Variants in SPDYE3 observed in about 807,000 individuals in gnomAD.
SPDYE3 encodes the protein speedy protein E3.
A neutral mutation model predicts 55.0 loss-of-function variants in SPDYE3; 15 were observed. The ratio of observed to expected loss-of-function variants is 0.27; its 90% CI spans 0.18 to 0.42. SPDYE3 has a LOEUF of 0.42. Ranked by LOEUF, SPDYE3 falls within the 10% of genes least tolerant of loss-of-function variation. SPDYE3 has a pLI of 1.00. For missense variants in SPDYE3, 236 were observed against 576.7 expected, an observed-to-expected ratio of 0.41 and a Z score of 6.05; for synonymous variants, 89 against 229.9, an observed-to-expected ratio of 0.39 and a Z score of 5.55.
chr7:100,308,330 CAAAA>C (rs1302549830), intron 1 of SPDYE3, among the ~76,000 whole-genome samples: 5 of 46,762 alleles, frequency 1.1e-4, no homozygotes, highest in African/African-American at 3.0e-4. Context: ...GACGCTGTCT[CAAAA>C]AAAAAAAAAA....
At chr7:100,309,744 A>C (rs1433171803) in intron 2 of SPDYE3, among the ~76,000 whole-genome samples, 3 of 143,818 alleles carry the variant, frequency 2.1e-5, no homozygotes, top group East Asian at 3.9e-4. Flanking sequence ...AAAAAGAAGA[A>C]AAAAAAGAAG....
At chr7:100,308,633 C>T (rs528718556) in intron 1 of SPDYE3, among the ~76,000 whole-genome samples, 13 of 151,404 alleles carry the variant, frequency 8.6e-5, no homozygotes, top group Non-Finnish European at 1.5e-4. Flanking sequence ...AACTGGAATC[C>T]GGGAGATGGA....
chr7:100,320,349 G>A, intron 10 of SPDYE3: 2 of 1,072,744 alleles, frequency 1.9e-6, no homozygotes, highest in Non-Finnish European at 2.4e-6. Flanking sequence ...GTTCGGGGAG[G>A]TTCTTTATGA....
In SPDYE3 at chr7:100,319,754, GTTC is replaced by G. The variant is rs1259331748; in HGVS notation, c.1541_1543del (p.Phe514del). The stretch of plus-strand genomic sequence containing the variant: ...CCTTGTTCCAGAAGCGTCGGTTCCA[GTTC>G]TTCTGTTCCATGCGCTGCAGGGCTT... On this transcript the variant is annotated inframe_deletion, in exon 9 of 11. Coordinates refer to ENST00000332397, the MANE Select transcript of SPDYE3 (RefSeq NM_001004351.5). 6.2e-7 allele frequency: 1 copy of G among 1,613,770 alleles called. No individual in the cohort carries two copies. The highest frequency in any genetic ancestry group is 8.5e-7 in the Non-Finnish European group (1 of 1,179,932).
rs191008992 is a variant in SPDYE3 at position 100,321,178 on chromosome 7, G to A, written c.*333G>A. On this transcript the variant is annotated 3_prime_UTR_variant, in exon 11 of 11. Transcript: ENST00000332397. ...TATATTGCTGAATGCCAACCTCCCT[G>A]GGGCGGAACCTGGAGGTCCTGTTTC... 7,823 of 504,280 alleles carry A rather than the reference G, an allele frequency of 0.016. 532 individuals carry two copies. Among genetic ancestry groups the A allele is most frequent in the African/African-American group, 0.14 (7,100 of 51,568 alleles). The allele number at this position is 504,280 out of a possible 1,614,324, so 31.2% of individuals were successfully genotyped here.
Position 100,315,849 on chromosome 7 carries a change from G to T in SPDYE3, c.1260+6G>T, listed in dbSNP as rs373632508. ...ATCTGAGGGTGTCAGACAAGGTAAG[G>T]TTGTTCTCTATGTAACTGTGTTCCT... On this transcript the variant is annotated splice_donor_region_variant and intron_variant, in intron 7 of 10. Transcript: ENST00000332397. The T allele has an allele frequency of 3.7e-6, 6 of 1,600,124 alleles. No homozygotes were observed. In the South Asian group the frequency reaches 5.5e-5, roughly 15 times the overall value.
rs1789589739 is a variant in SPDYE3 at position 100,321,959 on chromosome 7, T to C, written c.*1114T>C. On this transcript the variant is annotated 3_prime_UTR_variant, in exon 11 of 11. Coordinates refer to ENST00000332397, the MANE Select transcript of SPDYE3 (RefSeq NM_001004351.5). ...TGAATAGATGCTGTTTCTATAAAGCTGTGTGATGGGTATTATAACTGTTAT... is the reference window on the plus strand; with the variant it reads ...TGAATAGATGCTGTTTCTATAAAGCCGTGTGATGGGTATTATAACTGTTAT... The C allele has an allele frequency of 6.6e-6, 1 of 150,966 alleles. No individual in the cohort carries two copies. The highest frequency in any genetic ancestry group is 1.5e-5 in the Non-Finnish European group (1 of 67,764). The allele number at this position is 150,966 out of a possible 1,614,324, so 9.4% of individuals were successfully genotyped here.
At chr7:100,318,725 C>CT (rs71126316) in intron 8 of SPDYE3, among the ~76,000 whole-genome samples, 2 of 106,972 alleles carry the variant, frequency 1.9e-5, no homozygotes, top group African/African-American at 7.2e-5. Context: ...TATTCAATTG[C>CT]TTTTTTTTTT....
rs528446034 is a variant in SPDYE3, at chr7:100,320,478, T to C, written c.*46-413T>C. 25 of 989,906 alleles carry C rather than the reference T, an allele frequency of 2.5e-5. No homozygotes were observed. In the East Asian group the frequency reaches 1.8e-3, roughly 70 times the overall value. 61.3% of individuals were successfully genotyped at this position (989,906 alleles called of 1,614,324 possible). A position where few individuals can be genotyped will look rare whatever the true frequency, so the allele number is the denominator to read the frequency against. Reference sequence around the variant, plus strand: ...ACTTCGTCATGAGGAGGTAGGATTATGGATTAGGCTTCTGGACTCGTGGTT... The same window carrying C: ...ACTTCGTCATGAGGAGGTAGGATTACGGATTAGGCTTCTGGACTCGTGGTT... On this transcript the variant is annotated intron_variant, in intron 10 of 10. Transcript: ENST00000332397.
intron 8 of SPDYE3, 35 bp downstream of exon 8, chr7:100,317,190 C>G (rs1422500114): frequency 1.2e-6 from 2 of 1,610,634 alleles, no homozygotes; most frequent in Non-Finnish European, 1.7e-6. Context: ...CATCAATATC[C>G]AACGCCCTGG....
chr7:100,315,691 T>G, intron 6 of SPDYE3, 94 bp from the exon 7 acceptor site: 1 of 1,587,128 alleles, frequency 6.3e-7, no homozygotes, highest in Non-Finnish European at 8.5e-7. Context: ...ATCCTGAGAC[T>G]TTCCCCCGGG....
chr7:100,308,546 T>C (rs1805882988), intron 1 of SPDYE3, among the ~76,000 whole-genome samples: 4 of 151,518 alleles, frequency 2.6e-5, no homozygotes, highest in Admixed American at 2.0e-4. Context: ...CCGTCTCTAC[T>C]AAAAGTACAA....
At chr7:100,309,869 T>G (rs858627) in intron 2 of SPDYE3, among the ~76,000 whole-genome samples, 1 of 147,476 alleles carries the variant, frequency 6.8e-6, no homozygotes, top group African/African-American at 2.5e-5. Context: ...CCAAGGCAGG[T>G]GGATCACGTG....
chr7:100,315,830 G>A lies in SPDYE3; in HGVS notation c.1247G>A (p.Arg416Lys), dbSNP rs756230051. Reference protein sequence around the residue: ...KRFLAWDKDLRVSDKYLLAMV... With the variant: ...KRFLAWDKDLKVSDKYLLAMV... ...TTCCTGGCCTGGGACAAAGATCTGA[G>A]GGTGTCAGACAAGGTAAGGTTGTTC... The change falls in exon 7 of 11, where the codon AGG (arginine) becomes AAG (lysine). Residue 416 changes from arginine (R) to lysine (K), a missense_variant. By Grantham distance (26) the Arg-to-Lys change is conservative. Coordinates refer to ENST00000332397, the MANE Select transcript of SPDYE3 (RefSeq NM_001004351.5). 1.9e-6 allele frequency: 3 copies of A among 1,600,378 alleles called. No homozygotes were observed. Among genetic ancestry groups the A allele is most frequent in the South Asian group, 2.2e-5 (2 of 91,006 alleles).
Position 100,317,147 on chromosome 7 carries a change from C to G in SPDYE3, c.1338C>G (p.Phe446Leu). The change falls in exon 8 of 11, where the codon TTC (phenylalanine) becomes TTG (leucine). Residue 446 changes from phenylalanine (F) to leucine (L), a missense_variant. Phe to Leu is a conservative substitution (Grantham distance 22, BLOSUM62 0). Coordinates refer to ENST00000332397, the MANE Select transcript of SPDYE3 (RefSeq NM_001004351.5). Reference protein sequence around the residue: ...PSWQYQRIHFFLALYLANDME... With the variant: ...PSWQYQRIHFLLALYLANDME... ...GGCAATACCAACGCATTCATTTCTT[C>G]CTGGCTCTGTGAGTGGTTTGCTGCC... 1 of 1,611,892 alleles carries G rather than the reference C, an allele frequency of 6.2e-7. No individual in the cohort carries two copies.
intron 8 of SPDYE3, among the ~76,000 whole-genome samples, chr7:100,318,404 C>T (rs1789488832): frequency 1.3e-5 from 2 of 152,164 alleles, no homozygotes; most frequent in South Asian, 2.1e-4. Context: ...CACACTGGCT[C>T]GCCATCTTGG....
intron 1 of SPDYE3, among the ~76,000 whole-genome samples, chr7:100,308,267 G>T (rs1320991048): frequency 6.6e-6 from 1 of 150,826 alleles, no homozygotes; most frequent in Non-Finnish European, 1.5e-5. Context: ...GGAGGAAGAG[G>T]GTGCAGTGAG....
chr7:100,312,474 G>T lies in SPDYE3; in HGVS notation c.763+506G>T, dbSNP rs1406170194. On this transcript the variant is annotated intron_variant, in intron 4 of 10. Transcript: ENST00000332397. The stretch of plus-strand genomic sequence containing the variant: ...ATCGTGCTACTGCACTCCAGTCTGG[G>T]TGAGAGAGTGAGACGCTGTCTCAAA... Among the ~76,000 whole-genome samples, 3 of 127,692 alleles carry T rather than the reference G, an allele frequency of 2.3e-5. No individual in the cohort carries two copies. In the East Asian group the frequency reaches 6.1e-4, roughly 26 times the overall value. The allele number at this position is 127,692 out of a possible 152,430, so 83.8% of individuals were successfully genotyped here.
chr7:100,315,513 G>C (rs1005724568), intron 6 of SPDYE3, among the ~76,000 whole-genome samples: 1 of 152,182 alleles, frequency 6.6e-6, no homozygotes, highest in African/African-American at 2.4e-5. Context: ...TGGTCCCTCC[G>C]TGTCTGCTGG....
Sources: allele counts gnomAD v4.1 joint callset (sites outside exome capture counted in the v4.1 genomes callset), GRCh38; gene constraint gnomAD v4.1.1; transcripts MANE v1.5; gene names NCBI Gene and HGNC (gene_info 2026-07-23, HGNC 2026-07-21).